SNAI1: variants seen among roughly 807,000 people sequenced by gnomAD.
SNAI1 encodes the protein snail family transcriptional repressor 1, also known as zinc finger protein SNAI1.
A neutral mutation model predicts 24.7 loss-of-function variants in SNAI1; 15 were observed. That is an observed-to-expected ratio of 0.61 (90% CI 0.41 to 0.93). The LOEUF (loss-of-function observed/expected upper bound fraction) is 0.93, where lower values mean the gene tolerates loss of function less well. Ranked by LOEUF, SNAI1 falls within the 40% of genes least tolerant of loss-of-function variation. The pLI is 0.00. For synonymous variants in SNAI1, 163 were observed against 142.9 expected (o/e 1.14, Z -1.00); for missense variants, 283 against 336.7 (o/e 0.84, Z 1.25).
At position 49,988,033 on chromosome 20, in the gene SNAI1, G is replaced by A. The variant is rs151036730; in HGVS notation, c.772G>A (p.Gly258Ser). 69 of 1,607,792 alleles carry A rather than the reference G, an allele frequency of 4.3e-5. No homozygotes were observed. In the African/African-American group the frequency reaches 6.9e-4, roughly 16 times the overall value. Residue 258 changes from glycine (G) to serine (S), a missense_variant, in exon 3 of 3, where the codon GGC (glycine) becomes AGC (serine). Physicochemically the swap from Gly to Ser is moderately conservative, Grantham distance 56. Coordinates refer to ENST00000244050, the MANE Select transcript of SNAI1 (RefSeq NM_005985.4). Reference protein sequence around the residue: ...MSLLHKHQESGCSGCPR With the variant: ...MSLLHKHQESSCSGCPR ...CCTGCTCCACAAGCACCAAGAGTCC[G>A]GCTGCTCAGGATGTCCCCGCTGACC...
chr20:49,986,547 G>A (rs1342212874), intron 2 of SNAI1, among the ~76,000 whole-genome samples: 7 of 152,136 alleles, frequency 4.6e-5, no homozygotes, highest in African/African-American at 1.4e-4. Context: ...CAGACTGGGC[G>A]TGAGGGGATT....
At chr20:49,984,596 G>C (rs1174286557) in intron 2 of SNAI1, among the ~76,000 whole-genome samples, 1 of 152,268 alleles carries the variant, frequency 6.6e-6, no homozygotes, top group African/African-American at 2.4e-5. Context: ...ATGGGTCGGA[G>C]CTGGATATGG....
chr20:49,985,954 C>T (rs2078332680), intron 2 of SNAI1, among the ~76,000 whole-genome samples: 1 of 152,216 alleles, frequency 6.6e-6, no homozygotes, highest in East Asian at 1.9e-4. Flanking sequence ...GCCCCCAGCC[C>T]ATCATGTCCT....
rs145720744 is a variant in SNAI1, at chr20:49,985,427, C to A, written c.610+1076C>A. Among the ~76,000 whole-genome samples the A allele has an allele frequency of 5.6e-3, 851 of 152,302 alleles. 5 individuals carry two copies. Among genetic ancestry groups the A allele is most frequent in the African/African-American group, 0.02 (812 of 41,562 alleles). On this transcript the variant is annotated intron_variant, in intron 2 of 2. Coordinates refer to ENST00000244050, the MANE Select transcript of SNAI1 (RefSeq NM_005985.4). ...CTTATTCGACTAAGGCTACCCATTT[C>A]TCTTCCTTCGTGCACCAATTGCTCT...
At chr20:49,983,739 C>T in intron 1 of SNAI1, 85 bp from the exon 2 acceptor site, 3 of 1,366,636 alleles carry the variant, frequency 2.2e-6, no homozygotes, top group Non-Finnish European at 3.0e-6. Flanking sequence ...ATCGGCCCCA[C>T]CCAGCCCCTG....
Position 49,988,400 on chromosome 20 carries a change from A to G in SNAI1, c.*344A>G, listed in dbSNP as rs1258725431. On this transcript the variant is annotated 3_prime_UTR_variant, in exon 3 of 3. Transcript: ENST00000244050. ...CTACAGGACAAAGGCTGACAGACTC[A>G]CTGGGAAGCTCCCACCCCACTCAGG... The G allele has an allele frequency of 5.0e-6, 1 of 201,866 alleles. No homozygotes were observed. Among genetic ancestry groups the G allele is most frequent in the African/African-American group, 2.3e-5 (1 of 43,138 alleles). The allele number at this position is 201,866 out of a possible 1,614,324, so 12.5% of individuals were successfully genotyped here.
At chr20:49,985,999 T>G (rs527853242) in intron 2 of SNAI1, among the ~76,000 whole-genome samples, 14 of 151,178 alleles carry the variant, frequency 9.3e-5, no homozygotes, top group Non-Finnish European at 4.4e-5. Flanking sequence ...TGGGTTCAGG[T>G]CTCATCACAC....
intron 2 of SNAI1, among the ~76,000 whole-genome samples, chr20:49,984,870 G>A (rs2078329079): frequency 6.6e-6 from 1 of 152,258 alleles, no homozygotes; most frequent in Admixed American, 6.5e-5. Flanking sequence ...CATATGGGAA[G>A]CACCTGGCAA....
At chr20:49,985,622 C>T (rs1157609305) in intron 2 of SNAI1, among the ~76,000 whole-genome samples, 4 of 152,160 alleles carry the variant, frequency 2.6e-5, no homozygotes, top group African/African-American at 7.2e-5. Flanking sequence ...ACACAGAAAT[C>T]CCCTTGAAAT....
chr20:49,986,964 A>G (rs1316584836), intron 2 of SNAI1, among the ~76,000 whole-genome samples: 1 of 152,170 alleles, frequency 6.6e-6, no homozygotes, highest in Non-Finnish European at 1.5e-5. Context: ...AGACTTATTT[A>G]TTCTCTAAGG....
At position 49,984,261 on chromosome 20, in the gene SNAI1, C is replaced by T. The variant is rs1465121323; in HGVS notation, c.520C>T (p.Arg174Ter). The T allele has an allele frequency of 6.2e-7, 1 of 1,614,146 alleles. No homozygotes were observed. Among genetic ancestry groups the T allele is most frequent in the Non-Finnish European group, 8.5e-7 (1 of 1,180,026 alleles). ...CCTGGGTGCCCTCAAGATGCACATC[C>T]GAAGCCACACGCTGCCCTGCGTCTG... ...LSLGALKMHI[R>*]SHTLPCVCGT... The change falls in exon 2 of 3, where the codon CGA becomes TGA. Residue 174 changes from arginine to a stop codon, truncating the protein, a stop_gained. Transcript: ENST00000244050. LOFTEE classifies it high-confidence loss of function.
Position 49,988,227 on chromosome 20 carries a change from G to T in SNAI1, c.*171G>T. 1.6e-6 allele frequency: 1 copy of T among 607,802 alleles called. No individual in the cohort carries two copies. Among genetic ancestry groups the T allele is most frequent in the South Asian group, 2.2e-5 (1 of 45,252 alleles). 37.7% of individuals were successfully genotyped at this position (607,802 alleles called of 1,614,324 possible). A position where few individuals can be genotyped will look rare whatever the true frequency, so the allele number is the denominator to read the frequency against. On this transcript the variant is annotated 3_prime_UTR_variant, in exon 3 of 3. Transcript: ENST00000244050. ...TTGATGAAGACCATTTTCTGGTTCT[G>T]TGTCCTCTGCCTGGGCTCTGGAAGA...
chr20:49,987,024 C>T (rs1424312592), intron 2 of SNAI1, among the ~76,000 whole-genome samples: 2 of 152,200 alleles, frequency 1.3e-5, no homozygotes, highest in Non-Finnish European at 2.9e-5. Flanking sequence ...AGACTTTTCC[C>T]AACACAGCCT....
At position 49,984,293 on chromosome 20, in the gene SNAI1, C is replaced by T. The variant is rs1401955510; in HGVS notation, c.552C>T (p.Thr184=). The T allele has an allele frequency of 1.2e-6, 2 of 1,613,512 alleles. No homozygotes were observed. The highest frequency in any genetic ancestry group is 1.3e-5 in the African/African-American group (1 of 74,934). Residue 184 remains threonine (T), a synonymous_variant, in exon 2 of 3, where the codon ACC becomes ACT. Coordinates refer to ENST00000244050, the MANE Select transcript of SNAI1 (RefSeq NM_005985.4). ...RSHTLPCVCG[T]CGKAFSRPWL... ...ACACGCTGCCCTGCGTCTGCGGAAC[C>T]TGCGGGAAGGCCTTCTCTAGGCCCT...
Position 49,984,349 on chromosome 20 carries a change from C to A in SNAI1, c.608C>A (p.Thr203Asn). Residue 203 changes from threonine to asparagine, a missense_variant and splice_region_variant, in exon 2 of 3, where the codon ACT becomes AAT. Thr to Asn is a moderately conservative substitution (Grantham distance 65, BLOSUM62 0). Transcript: ENST00000244050. ...CTACAAGGCCATGTCCGGACCCACA[C>A]TGGTACGTGCCCCTCCAGGCGCCCC... ...WLLQGHVRTH[T>N]GEKPFSCPHC... 6.3e-7 allele frequency: 1 copy of A among 1,595,396 alleles called. No individual in the cohort carries two copies. The highest frequency in any genetic ancestry group is 8.5e-7 in the Non-Finnish European group (1 of 1,171,544).
Position 49,984,154 on chromosome 20 carries a change from AGCTG to A in SNAI1, c.416_419del (p.Leu139ProfsTer140). ...CCAGGCTTGGGCCAAGTGCCCAAGCAGCTGGCCCAGCTCTCTGAGGCCAAGGATC... is the reference window on the plus strand; with the variant it reads ...CCAGGCTTGGGCCAAGTGCCCAAGCAGCCCAGCTCTCTGAGGCCAAGGATC... On this transcript the variant is annotated frameshift_variant, in exon 2 of 3. Coordinates refer to ENST00000244050, the MANE Select transcript of SNAI1 (RefSeq NM_005985.4). LOFTEE classifies it high-confidence loss of function. 6.2e-7 allele frequency: 1 copy of A among 1,614,232 alleles called. No homozygotes were observed. Among genetic ancestry groups the A allele is most frequent in the Non-Finnish European group, 8.5e-7 (1 of 1,180,034 alleles).
At chr20:49,985,308 G>A (rs751790506) in intron 2 of SNAI1, among the ~76,000 whole-genome samples, 1 of 152,206 alleles carries the variant, frequency 6.6e-6, no homozygotes, top group African/African-American at 2.4e-5. Flanking sequence ...AGCTGGCCAG[G>A]TTCTGCCATT....
rs2078339552 is a variant in SNAI1, at chr20:49,988,003, A to G, written c.742A>G (p.Met248Val). 1.2e-6 allele frequency: 2 copies of G among 1,613,564 alleles called. No homozygotes were observed. Among genetic ancestry groups the G allele is most frequent in the African/African-American group, 1.3e-5 (1 of 74,980 alleles). ...CQACARTFSR[M>V]SLLHKHQESG... The stretch of plus-strand genomic sequence containing the variant: ...GGCGTGTGCTCGGACCTTCTCCCGA[A>G]TGTCCCTGCTCCACAAGCACCAAGA... Residue 248 changes from methionine (M) to valine (V), a missense_variant, in exon 3 of 3, where the codon ATG (methionine) becomes GTG (valine). Transcript: ENST00000244050.
At chr20:49,983,714 A>G in intron 1 of SNAI1, 110 bp from the exon 2 acceptor site, 1 of 1,082,374 alleles carries the variant, frequency 9.2e-7, no homozygotes, top group South Asian at 1.6e-5. Flanking sequence ...TTTTTGATCT[A>G]ATTATGTATT....
Sources: gnomAD v4.1 joint callset for allele counts (sites outside exome capture counted in the v4.1 genomes callset) on GRCh38, gnomAD v4.1.1 for gene constraint, MANE v1.5 for transcripts, NCBI Gene and HGNC (gene_info 2026-07-23, HGNC 2026-07-21) for gene names.